Variants in ADAR observed in about 807,000 individuals in gnomAD.
ADAR encodes double-stranded RNA-specific adenosine deaminase.
In ADAR, 41 loss-of-function variants were observed where a neutral mutation model predicts 113.2. The observed-to-expected ratio is 0.36, with a 90% CI of 0.28 to 0.47. The LOEUF (loss-of-function observed/expected upper bound fraction) is 0.47. Ranked by LOEUF, ADAR falls within the 20% of genes least tolerant of loss-of-function variation. The pLI is 1.00. For synonymous variants in ADAR, 605 were observed against 572.6 expected (o/e 1.06, Z -0.81); for missense variants, 1,242 against 1,540.9 (o/e 0.81, Z 3.25).
chr1:154,597,203 C>T lies in ADAR; in HGVS notation c.1999G>A (p.Val667Met), dbSNP rs760217859. The change falls in exon 5 of 15, where the codon GTG (valine) becomes ATG (methionine). Residue 667 changes from valine (V) to methionine (M), a missense_variant. Physicochemically the swap from Val to Met is conservative, Grantham distance 21 (BLOSUM62 1). Transcript: ENST00000368474. ...TCCTCTGCGGCCATCTGCTTTGCCA[C>T]TTTCTTGCTGGGAGCACTCACACTG... The part of the protein sequence containing the change: ...FPSVSAPSKK[V>M]AKQMAAEEAM... 6.2e-7 allele frequency: 1 copy of T among 1,614,228 alleles called. No individual in the cohort carries two copies. Among genetic ancestry groups the T allele is most frequent in the South Asian group, 1.1e-5 (1 of 91,086 alleles).
chr1:154,610,080 C>G (rs1202384494), upstream of ADAR, among the ~76,000 whole-genome samples: 4 of 152,222 alleles, frequency 2.6e-5, no homozygotes, highest in African/African-American at 9.6e-5. Context: ...GGTTCTCAAC[C>G]CCATCACATC....
Position 154,582,958 on chromosome 1 carries a change from T to C in ADAR, c.*1848A>G, listed in dbSNP as rs1445308720. 2 of 152,236 alleles carry C rather than the reference T, an allele frequency of 1.3e-5. No individual in the cohort carries two copies. Among genetic ancestry groups the C allele is most frequent in the Non-Finnish European group, 2.9e-5 (2 of 68,054 alleles). 9.4% of individuals were successfully genotyped at this position (152,236 alleles called of 1,614,324 possible). On this transcript the variant is annotated 3_prime_UTR_variant, in exon 15 of 15. Transcript: ENST00000368474. Reference sequence around the variant, plus strand: ...GTTCTGCAAAGGCATCCTTAGTCTATTTTTAGAACTTGCATTTTCTTACTT... The same window carrying C: ...GTTCTGCAAAGGCATCCTTAGTCTACTTTTAGAACTTGCATTTTCTTACTT...
intron 3 of ADAR, 131 bp from the exon 4 acceptor site, chr1:154,598,107 G>A (rs866040678): frequency 9.1e-7 from 1 of 1,095,878 alleles, no homozygotes; most frequent in Non-Finnish European, 1.3e-6. Context: ...AAAGTTAAAG[G>A]GGCTGCTGGA....
rs995873717 is a variant in ADAR at position 154,588,043 on chromosome 1, C to A, written c.3019+82G>T. 104 of 1,596,650 alleles carry A rather than the reference C, an allele frequency of 6.5e-5. No homozygotes were observed. In the African/African-American group the frequency reaches 1.3e-3, roughly 19 times the overall value. On this transcript the variant is annotated intron_variant, in intron 11 of 14. Transcript: ENST00000368474. ...TGTGCCCAGTGACTAATGGTAAAAT[C>A]CTAGCAGCCTTGTAGAGACTTGGGG... is the stretch of plus-strand genomic sequence containing the variant.
chr1:154,586,456 C>T, intron 11 of ADAR, 93 bp from the exon 12 acceptor site: 1 of 1,257,288 alleles, frequency 8.0e-7, no homozygotes, highest in African/African-American at 1.5e-5. Flanking sequence ...GGGCCACAGG[C>T]TACATTCATT....
intron 1 of ADAR, among the ~76,000 whole-genome samples, chr1:154,617,374 T>G (rs1056125186): frequency 6.6e-6 from 1 of 152,122 alleles, no homozygotes; most frequent in Non-Finnish European, 1.5e-5. Context: ...GATTCTTACT[T>G]TAACAAAGAA....
intron 1 of ADAR, among the ~76,000 whole-genome samples, chr1:154,618,287 AAT>A (rs1698689299): frequency 6.6e-6 from 1 of 152,134 alleles, no homozygotes; most frequent in Non-Finnish European, 1.5e-5. Context: ...TCTGCTGAGG[AAT>A]ATATGTCTTA....
chr1:154,589,207 T>C (rs990735307), intron 9 of ADAR, among the ~76,000 whole-genome samples, 162 bp downstream of exon 9: 1 of 152,150 alleles, frequency 6.6e-6, no homozygotes. Flanking sequence ...ATGGATTCCA[T>C]CAGACAGGTT....
intron 1 of ADAR, among the ~76,000 whole-genome samples, chr1:154,624,010 T>G (rs1698866530): frequency 7.2e-6 from 1 of 139,816 alleles, no homozygotes; most frequent in South Asian, 2.2e-4. Context: ...CAAGACTCCA[T>G]CTCAAAAAAA....
At chr1:154,608,615 T>G (rs995001881), upstream of ADAR, 1 of 152,572 alleles carries the variant, frequency 6.6e-6, no homozygotes, top group Non-Finnish European at 1.5e-5. Context: ...GTGTTGGGAT[T>G]ACAGGCGTCA....
At chr1:154,613,433 C>T (rs531359160) in intron 1 of ADAR, among the ~76,000 whole-genome samples, 4 of 151,676 alleles carry the variant, frequency 2.6e-5, no homozygotes, top group Non-Finnish European at 4.4e-5. Flanking sequence ...TACAGGCACG[C>T]GCTATCATGC....
At chr1:154,593,996 G>C (rs1697333915) in intron 6 of ADAR, among the ~76,000 whole-genome samples, 1 of 151,770 alleles carries the variant, frequency 6.6e-6, no homozygotes, top group African/African-American at 2.4e-5. Context: ...TAATTCTCCT[G>C]CTCAGCCTCC....
intron 13 of ADAR, 41 bp downstream of exon 13, chr1:154,585,712 A>C: frequency 6.6e-7 from 1 of 1,522,680 alleles, no homozygotes; most frequent in South Asian, 1.1e-5. Flanking sequence ...CTGCTTGAAA[A>C]GGAGGAAAAT....
chr1:154,606,619 C>T lies in ADAR; in HGVS notation c.15+1373G>A, dbSNP rs1698206646. Among the ~76,000 whole-genome samples the T allele has an allele frequency of 2.6e-5, 4 of 151,990 alleles. No individual in the cohort carries two copies. The South Asian group carries it at 8.3e-4, about 32-fold the overall frequency. On this transcript the variant is annotated intron_variant, in intron 1 of 14. Transcript: ENST00000368474. ...TCTTTCTTTTTGCCCCCCTTAAATC[C>T]CCTAAACACCAAGCCACCGTTGAGT...
At position 154,602,587 on chromosome 1, in the gene ADAR, C is replaced by T. The variant is rs746103046; in HGVS notation, c.55G>A (p.Gly19Ser). Residue 19 changes from glycine (G) to serine (S), a missense_variant, in exon 2 of 15, where the codon GGC becomes AGC. Transcript: ENST00000368474. ...LSGYYTHPFQ[G>S]YEHRQLRYQQ... ...TACCTGAGCTGTCTGTGCTCATAGCCTTGAAATGGATGGGTGTAGTATCCG... is the reference window on the plus strand; with the variant it reads ...TACCTGAGCTGTCTGTGCTCATAGCTTTGAAATGGATGGGTGTAGTATCCG... 1.9e-6 allele frequency: 3 copies of T among 1,614,176 alleles called. No homozygotes were observed. In the Admixed American group the frequency reaches 5.0e-5, roughly 27 times the overall value.
At chr1:154,621,477 TA>T (rs1173030418) in intron 1 of ADAR, among the ~76,000 whole-genome samples, 7 of 152,210 alleles carry the variant, frequency 4.6e-5, no homozygotes, top group South Asian at 2.1e-4. Context: ...GTTTGCTTTT[TA>T]CCATGAGGAT....
chr1:154,597,378 C>T, intron 4 of ADAR, 111 bp from the exon 5 acceptor site: 1 of 1,286,324 alleles, frequency 7.8e-7, no homozygotes, highest in Admixed American at 1.9e-5. Context: ...TTGAACACAT[C>T]ACCTCTGTGC....
In ADAR at chr1:154,617,616, C is replaced by G. The variant is rs565088621; in HGVS notation, c.-871+10239G>C. ...CTCAAACGAGAAAAAGGAGGGCTAC[C>G]ATTACCATTGTTATTTTCCTTAATT... On this transcript the variant is annotated intron_variant, in intron 1 of 14. Transcript: ENST00000368471. 2.0e-5 allele frequency among the ~76,000 whole-genome samples: 3 copies of G among 152,226 alleles called. No individual in the cohort carries two copies. In the South Asian group the frequency reaches 6.2e-4, roughly 32 times the overall value.
At chr1:154,606,947 A>AAAAT (rs1553214982) in intron 1 of ADAR, among the ~76,000 whole-genome samples, 1,823 of 148,474 alleles carry the variant, frequency 0.012, 22 homozygotes, top group East Asian at 0.023. Context: ...AAAAAAAAAA[A>AAAAT]ATATATATAT....
Sources: allele counts gnomAD v4.1 joint callset (sites outside exome capture counted in the v4.1 genomes callset), GRCh38; gene constraint gnomAD v4.1.1; transcripts MANE v1.5; gene names NCBI Gene and HGNC (gene_info 2026-07-23, HGNC 2026-07-21).